The following COQ6 variants were observed in gnomAD, a reference collection of about 807,000 sequenced individuals.
COQ6 encodes the protein coenzyme Q6, monooxygenase.
Under a neutral mutation model 55.5 loss-of-function variants are expected in COQ6, and 45 were observed. That is an observed-to-expected ratio of 0.81 (90% CI 0.64 to 1.04). The LOEUF (loss-of-function observed/expected upper bound fraction) is 1.04. Among genes scored for constraint, COQ6 ranks in the 50% least tolerant of loss-of-function variants. The pLI is 0.00. For synonymous variants in COQ6, 206 were observed against 230.5 expected (o/e 0.89, Z 0.96); for missense variants, 550 against 601.3 (o/e 0.91, Z 0.89).
intron 10 of COQ6, 33 bp downstream of exon 10, chr14:73,961,603 G>A: frequency 6.2e-7 from 1 of 1,611,184 alleles, no homozygotes; most frequent in Non-Finnish European, 8.5e-7. Context: ...GAAGTATCCA[G>A]AGGTCATATA....
intron 2 of COQ6, among the ~76,000 whole-genome samples, chr14:73,954,721 G>A (rs1566683727): frequency 1.3e-5 from 2 of 150,976 alleles, no homozygotes; most frequent in African/African-American, 4.8e-5. Context: ...GCGGATGCCT[G>A]TAGTCCCAGC....
chr14:73,954,843 C>CAAA (rs1216623718), intron 2 of COQ6, among the ~76,000 whole-genome samples: 4 of 56,310 alleles, frequency 7.1e-5, no homozygotes, highest in Non-Finnish European at 7.1e-5. Flanking sequence ...GATTCCGTCT[C>CAAA]AAAAAAAAAA....
intron 1 of COQ6, among the ~76,000 whole-genome samples, chr14:73,952,361 G>A (rs1481304463): frequency 2.6e-5 from 4 of 151,752 alleles, no homozygotes; most frequent in African/African-American, 9.7e-5. Context: ...GAGCTCAACT[G>A]ATCCATCACC....
chr14:73,962,109 G>A lies in COQ6; in HGVS notation c.1377+206G>A, dbSNP rs1263383425. Among the ~76,000 whole-genome samples, 4 of 151,728 alleles carry A rather than the reference G, an allele frequency of 2.6e-5. No individual in the cohort carries two copies. The East Asian group carries it at 5.8e-4, about 22-fold the overall frequency. ...ATTACAGGCGCCCACCACCACACCC[G>A]GCTAATTTTCTTATTTTTAGTAGAG... On this transcript the variant is annotated intron_variant, in intron 11 of 11. Coordinates refer to ENST00000334571, the MANE Select transcript of COQ6 (RefSeq NM_182476.3).
intron 2 of COQ6, among the ~76,000 whole-genome samples, chr14:73,954,449 C>G (rs1377806919): frequency 6.8e-6 from 1 of 147,452 alleles, no homozygotes; most frequent in African/African-American, 2.7e-5. Context: ...AAAGAAAAAA[C>G]AAATGGTTTC....
intron 1 of COQ6, among the ~76,000 whole-genome samples, chr14:73,952,331 C>T (rs1300968995): frequency 2.6e-5 from 4 of 151,594 alleles, no homozygotes; most frequent in African/African-American, 9.7e-5. Flanking sequence ...CCATGTTGCC[C>T]ACGCTGGTCT....
At chr14:73,961,150 G>A (rs1253247323) in intron 8 of COQ6, 23 bp from the exon 9 acceptor site, 1 of 1,610,936 alleles carries the variant, frequency 6.2e-7, no homozygotes, top group African/African-American at 1.3e-5. Flanking sequence ...CACCTTGTTT[G>A]TCTTGTGGCT....
In COQ6 at chr14:73,953,457, CAAG is replaced by C. The variant is rs746839544; in HGVS notation, c.189_191del (p.Lys64del). The C allele has an allele frequency of 6.2e-6, 10 of 1,613,640 alleles. No individual in the cohort carries two copies. The East Asian group carries it at 2.2e-4, about 36-fold the overall frequency. ...AAGGATATGATATTCACTTTCATGA[CAAG>C]AAAATCCTGTTGCTCGAAGCAGGTC... On this transcript the variant is annotated inframe_deletion, in exon 2 of 12. Transcript: ENST00000334571.
chr14:73,950,382 A>G lies in COQ6; in HGVS notation c.50A>G (p.His17Arg). The G allele has an allele frequency of 6.4e-7, 1 of 1,570,554 alleles. No individual in the cohort carries two copies. Among genetic ancestry groups the G allele is most frequent in the Non-Finnish European group, 8.6e-7 (1 of 1,159,032 alleles). ...TGCGGGGCTGTGCGTGCAGCTCCCC[A>G]CAGCGGCCCGCTGGTGTCCTGGCGC... ...SRCGAVRAAP[H>R]SGPLVSWRRW... Residue 17 changes from histidine to arginine, a missense_variant, in exon 1 of 12, where the codon CAC (histidine) becomes CGC (arginine). His to Arg is a conservative substitution (Grantham distance 29). Coordinates refer to ENST00000334571, the MANE Select transcript of COQ6 (RefSeq NM_182476.3).
chr14:73,959,143 T>C lies in COQ6; in HGVS notation c.721-19T>C, dbSNP rs2140402207. 6.2e-7 allele frequency: 1 copy of C among 1,614,110 alleles called. No homozygotes were observed. Among genetic ancestry groups the C allele is most frequent in the East Asian group, 2.2e-5 (1 of 44,882 alleles). On this transcript the variant is annotated intron_variant, in intron 6 of 11. Coordinates refer to ENST00000334571, the MANE Select transcript of COQ6 (RefSeq NM_182476.3). ...GCACTAGGTACTTCACAGAGAAACT[T>C]TTCTCCTCTCTGTTGCAGGCCACAG... is the stretch of plus-strand genomic sequence containing the variant.
At chr14:73,953,695 G>C (rs2056289228) in intron 2 of COQ6, 126 bp downstream of exon 2, 1 of 1,287,280 alleles carries the variant, frequency 7.8e-7, no homozygotes, top group East Asian at 2.3e-5. Flanking sequence ...GTGGAGAGAG[G>C]GGGTGGGATT....
At chr14:73,956,502 A>C (rs916327965) in intron 4 of COQ6, 2 of 154,252 alleles carry the variant, frequency 1.3e-5, no homozygotes, top group Non-Finnish European at 2.9e-5. Context: ...CAGTTTCTCC[A>C]CATCCTCACC....
intron 1 of COQ6, among the ~76,000 whole-genome samples, chr14:73,952,041 T>C (rs1411851878): frequency 6.9e-6 from 1 of 145,976 alleles, no homozygotes; most frequent in Non-Finnish European, 1.5e-5. Context: ...CTACAGAGCA[T>C]GTCCCTGTGC....
intron 2 of COQ6, among the ~76,000 whole-genome samples, chr14:73,954,775 C>T (rs1249471461): frequency 4.5e-5 from 6 of 133,672 alleles, no homozygotes; most frequent in African/African-American, 1.4e-4. Flanking sequence ...ACCCGGGAGG[C>T]GGAGCTTGCA....
chr14:73,958,219 C>G lies in COQ6; in HGVS notation c.554C>G (p.Ser185Cys), dbSNP rs1170799064. The G allele has an allele frequency of 1.2e-6, 2 of 1,614,096 alleles. No individual in the cohort carries two copies. Reference sequence around the variant, plus strand: ...CCTTGTCCATTTCCTATGGCCGACTCCAGCCCTTGGGTTCATATTACCCTA... The same window carrying G: ...CCTTGTCCATTTCCTATGGCCGACTGCAGCCCTTGGGTTCATATTACCCTA... ...TWPCPFPMAD[S>C]SPWVHITLGD... Residue 185 changes from serine to cysteine, a missense_variant, in exon 5 of 12, where the codon TCC becomes TGC. Physicochemically the swap from Ser to Cys is moderately radical, Grantham distance 112. Transcript: ENST00000334571.
At chr14:73,955,326 A>G (rs1405413813) in intron 2 of COQ6, 125 bp from the exon 3 acceptor site, 25 of 782,200 alleles carry the variant, frequency 3.2e-5, no homozygotes, top group Non-Finnish European at 2.3e-6. Context: ...ACATCAAACA[A>G]GATAGAAGTG....
At position 73,961,805 on chromosome 14, in the gene COQ6, A is replaced by G. The variant is rs150656371; in HGVS notation, c.1279A>G (p.Thr427Ala). The G allele has an allele frequency of 6.2e-7, 1 of 1,614,154 alleles. No individual in the cohort carries two copies. The highest frequency in any genetic ancestry group is 8.5e-7 in the Non-Finnish European group (1 of 1,180,022). ...TCACAACACTGCTCTTCTGGCTGCT[A>G]CAGACTTACTAAAAAGGCTCTATTC... ...QRHNTALLAA[T>A]DLLKRLYSTS... The change falls in exon 11 of 12, where the codon ACA becomes GCA. Residue 427 changes from threonine (T) to alanine (A), a missense_variant. Coordinates refer to ENST00000334571, the MANE Select transcript of COQ6 (RefSeq NM_182476.3).
chr14:73,952,239 C>T (rs959843998), intron 1 of COQ6, among the ~76,000 whole-genome samples: 1 of 149,762 alleles, frequency 6.7e-6, no homozygotes, highest in African/African-American at 2.5e-5. Context: ...TCTCCTGCCT[C>T]AGCCTTCTGA....
chr14:73,960,966 A>T, intron 8 of COQ6: 1 of 673,034 alleles, frequency 1.5e-6, no homozygotes, highest in Non-Finnish European at 2.6e-6. Flanking sequence ...GGGCCAGCTC[A>T]TGTACAGTTT....
Sources: gnomAD v4.1 joint callset for allele counts (sites outside exome capture counted in the v4.1 genomes callset) on GRCh38, gnomAD v4.1.1 for gene constraint, MANE v1.5 for transcripts, NCBI Gene and HGNC (gene_info 2026-07-23, HGNC 2026-07-21) for gene names.